UHMK1: variants seen among roughly 807,000 people sequenced by gnomAD.
UHMK1 encodes the protein serine/threonine-protein kinase Kist.
Under a neutral mutation model 44.0 loss-of-function variants are expected in UHMK1, and 18 were observed. The ratio of observed to expected loss-of-function variants is 0.41; its 90% CI spans 0.28 to 0.61. The LOEUF is 0.61. Ranked by LOEUF, UHMK1 falls within the 20% of genes least tolerant of loss-of-function variation. The pLI, the probability that UHMK1 is intolerant of heterozygous loss-of-function variation, is 0.31. For missense variants in UHMK1, 463 were observed against 522.5 expected (o/e 0.89, Z 1.11); for synonymous variants, 231 against 198.5 (o/e 1.16, Z -1.38).
chr1:162,521,841 C>G (rs1183880326), intron 7 of UHMK1, among the ~76,000 whole-genome samples: 1 of 152,208 alleles, frequency 6.6e-6, no homozygotes, highest in Non-Finnish European at 1.5e-5. Context: ...GTTCGTCAGG[C>G]TGATCTCGAA....
intron 4 of UHMK1, among the ~76,000 whole-genome samples, chr1:162,510,935 C>T (rs759334371): frequency 2.0e-5 from 3 of 151,876 alleles, no homozygotes; most frequent in African/African-American, 7.3e-5. Context: ...ACAATGTGTA[C>T]GGATTCCCTT....
intron 6 of UHMK1, among the ~76,000 whole-genome samples, chr1:162,514,031 C>T (rs535853070): frequency 5.3e-5 from 8 of 152,204 alleles, no homozygotes; most frequent in African/African-American, 1.9e-4. Flanking sequence ...TAAAACAGGG[C>T]CAAACTTAGA....
At chr1:162,497,767 C>A, upstream of UHMK1, 1 of 1,223,598 alleles carries the variant, frequency 8.2e-7, no homozygotes, top group Non-Finnish European at 1.0e-6. Flanking sequence ...CCCTTCTGAG[C>A]CCCCCCTCCT....
At chr1:162,508,143 T>A (rs1651544186) in intron 4 of UHMK1, among the ~76,000 whole-genome samples, 1 of 151,942 alleles carries the variant, frequency 6.6e-6, no homozygotes, top group Non-Finnish European at 1.5e-5. Flanking sequence ...GAAGACAAAG[T>A]CTCACTCTGT....
chr1:162,510,466 G>T (rs960441880), intron 4 of UHMK1, among the ~76,000 whole-genome samples: 2 of 152,136 alleles, frequency 1.3e-5, no homozygotes, highest in Non-Finnish European at 2.9e-5. Context: ...ATATGAGTGA[G>T]ATCATGCTGT....
chr1:162,522,126 C>G (rs557814926), intron 7 of UHMK1, among the ~76,000 whole-genome samples: 61 of 152,332 alleles, frequency 4.0e-4, no homozygotes, highest in African/African-American at 1.4e-3. Context: ...GTACATGATT[C>G]ACACAACTTG....
At chr1:162,506,228 C>G (rs1305769742) in intron 4 of UHMK1, among the ~76,000 whole-genome samples, 1 of 137,842 alleles carries the variant, frequency 7.3e-6, no homozygotes, top group Non-Finnish European at 1.6e-5. Flanking sequence ...TAATAGCCCC[C>G]CCCCCCCCAC....
intron 2 of UHMK1, 46 bp downstream of exon 2, chr1:162,500,293 G>T: frequency 6.4e-7 from 1 of 1,561,964 alleles, no homozygotes; most frequent in South Asian, 1.2e-5. Context: ...AAATGTAGTG[G>T]TTGAAGCCAA....
intron 6 of UHMK1, among the ~76,000 whole-genome samples, chr1:162,515,587 C>T (rs1019744342): frequency 1.3e-5 from 2 of 152,074 alleles, no homozygotes; most frequent in Non-Finnish European, 2.9e-5. Flanking sequence ...AAGTCTTGCC[C>T]TCAGCATTGT....
rs1439626114 is a variant in UHMK1 at position 162,523,620 on chromosome 1, G to T, written c.*1070G>T. The T allele has an allele frequency of 6.6e-6, 1 of 152,448 alleles. No homozygotes were observed. Among genetic ancestry groups the T allele is most frequent in the Non-Finnish European group, 1.5e-5 (1 of 68,022 alleles). The allele number at this position is 152,448 out of a possible 1,614,324, so 9.4% of individuals were successfully genotyped here. A position where few individuals can be genotyped will look rare whatever the true frequency, so the allele number is the denominator to read the frequency against. On this transcript the variant is annotated 3_prime_UTR_variant, in exon 8 of 8. Coordinates refer to ENST00000489294, the MANE Select transcript of UHMK1 (RefSeq NM_175866.5). ...TTGAAGTGGGTCAAAAGAATTAGAT[G>T]TACAGTGAAGGGAAAAGAAAAAAAA...
chr1:162,521,426 A>C (rs1307676481), intron 7 of UHMK1, among the ~76,000 whole-genome samples: 1 of 152,146 alleles, frequency 6.6e-6, no homozygotes, highest in African/African-American at 2.4e-5. Flanking sequence ...GTAAAAAAAA[A>C]ATCAGGAATA....
chr1:162,500,274 C>A, intron 2 of UHMK1, 27 bp downstream of exon 2: 1 of 1,592,590 alleles, frequency 6.3e-7, no homozygotes, highest in Non-Finnish European at 8.6e-7. Flanking sequence ...TCTTTTCTCT[C>A]GCAGTTTAAA....
chr1:162,525,204 C>T lies in UHMK1; in HGVS notation c.*2654C>T, dbSNP rs1652205363. ...TGATATTATCTTTCTTAAACCTGAA[C>T]CAAATATCAAAAGATACAAGTTTCA... is the stretch of plus-strand genomic sequence containing the variant. On this transcript the variant is annotated 3_prime_UTR_variant, in exon 8 of 8. Transcript: ENST00000489294. 1 of 152,058 alleles carries T rather than the reference C, an allele frequency of 6.6e-6. No homozygotes were observed. Among genetic ancestry groups the T allele is most frequent in the African/African-American group, 2.4e-5 (1 of 41,398 alleles). The allele number at this position is 152,058 out of a possible 1,614,324, so 9.4% of individuals were successfully genotyped here. A position where few individuals can be genotyped will look rare whatever the true frequency, so the allele number is the denominator to read the frequency against.
Position 162,503,846 on chromosome 1 carries a change from A to G in UHMK1, c.846A>G (p.Lys282=), listed in dbSNP as rs774356886. 1.2e-6 allele frequency: 2 copies of G among 1,613,792 alleles called. No individual in the cohort carries two copies. The highest frequency in any genetic ancestry group is 1.7e-6 in the Non-Finnish European group (2 of 1,179,748). The change falls in exon 4 of 8, where the codon AAA becomes AAG. Residue 282 remains lysine (K), a splice_region_variant and synonymous_variant. Transcript: ENST00000489294. ...CCTATCACCTAAGAGACCTTATCAAAAGGTATGTTACACGTACCATAAACT... is the reference window on the plus strand; with the variant it reads ...CCTATCACCTAAGAGACCTTATCAAGAGGTATGTTACACGTACCATAAACT... ...IPAYHLRDLI[K]SMLHDDPSRR...
At chr1:162,503,661 C>T (rs2101671632) in intron 3 of UHMK1, 93 bp from the exon 4 acceptor site, 1 of 623,870 alleles carries the variant, frequency 1.6e-6, no homozygotes, top group South Asian at 2.2e-5. Flanking sequence ...ATAGTGTTTT[C>T]TGTTGCATTT....
chr1:162,502,934 C>T (rs1262762814), intron 3 of UHMK1, among the ~76,000 whole-genome samples: 1 of 130,334 alleles, frequency 7.7e-6, no homozygotes, highest in African/African-American at 2.9e-5. Context: ...ATAAATTTTA[C>T]TGATAATGAT....
At chr1:162,520,031 T>C (rs538051787) in intron 7 of UHMK1, among the ~76,000 whole-genome samples, 1 of 152,300 alleles carries the variant, frequency 6.6e-6, no homozygotes, top group South Asian at 2.1e-4. Flanking sequence ...CCCGAGTAGC[T>C]GGAACTACAA....
At chr1:162,509,648 A>G (rs1178477269) in intron 4 of UHMK1, among the ~76,000 whole-genome samples, 2 of 151,630 alleles carry the variant, frequency 1.3e-5, no homozygotes, top group African/African-American at 4.8e-5. Context: ...TTTTTTTCGT[A>G]TGTGTGTGTG....
At position 162,505,794 on chromosome 1, in the gene UHMK1, T is replaced by C. The variant is rs150228829; in HGVS notation, c.848+1946T>C. On this transcript the variant is annotated intron_variant, in intron 4 of 7. Coordinates refer to ENST00000489294, the MANE Select transcript of UHMK1 (RefSeq NM_175866.5). ...ATCCCTTGTCTGAGTTAGAGTAGTA[T>C]AGTTTCCTTTGAATATTGGCCCTAT... 4.4e-3 allele frequency among the ~76,000 whole-genome samples: 665 copies of C among 152,328 alleles called. 5 individuals carry two copies. The highest frequency in any genetic ancestry group is 6.6e-3 in the Non-Finnish European group (447 of 68,018).
Sources: allele counts gnomAD v4.1 joint callset (sites outside exome capture counted in the v4.1 genomes callset), GRCh38; gene constraint gnomAD v4.1.1; transcripts MANE v1.5; gene names NCBI Gene and HGNC (gene_info 2026-07-23, HGNC 2026-07-21).